Variants in TET2 observed in about 807,000 individuals in gnomAD.
The protein encoded by TET2 is methylcytosine dioxygenase TET2.
A neutral mutation model predicts 142.9 loss-of-function variants in TET2; 299 were observed. The ratio of observed to expected loss-of-function variants is 2.09; its 90% CI spans 1.90 to 2.30. The LOEUF is 2.30. Among genes scored for constraint, TET2 ranks in the 30% most tolerant of loss-of-function variants. The pLI is 0.00. For missense variants in TET2, 2,418 were observed against 2,378.0 expected, an observed-to-expected ratio of 1.02 and a Z score of -0.35; for synonymous variants, 819 against 849.0, an observed-to-expected ratio of 0.96 and a Z score of 0.61.
chr4:105,209,049 GTATATATATATATATA>G (rs36045001), intron 2 of TET2, among the ~76,000 whole-genome samples: 531 of 44,352 alleles, frequency 0.012, 24 homozygotes, highest in East Asian at 0.12. Flanking sequence ...TCAAGGCATG[GTATATATATATATATA>G]TATATATATA....
chr4:105,203,685 CTT>C (rs1214076456), intron 2 of TET2, among the ~76,000 whole-genome samples: 1 of 152,120 alleles, frequency 6.6e-6, no homozygotes, highest in Middle Eastern at 3.2e-3. Context: ...TACCTAAACT[CTT>C]AACATAGCAC....
intron 1 of TET2, among the ~76,000 whole-genome samples, chr4:105,182,518 A>T (rs369756625): frequency 2.6e-5 from 4 of 152,348 alleles, no homozygotes; most frequent in African/African-American, 9.6e-5. Flanking sequence ...TTACCTTATG[A>T]TAAAAGTAGA....
chr4:105,217,100 T>C (rs1727539326), intron 2 of TET2, among the ~76,000 whole-genome samples: 1 of 152,024 alleles, frequency 6.6e-6, no homozygotes, highest in Non-Finnish European at 1.5e-5. Context: ...ATGTCAGCAC[T>C]ATGCAACACT....
chr4:105,230,409 G>A (rs1234648783), intron 2 of TET2, among the ~76,000 whole-genome samples: 1 of 152,142 alleles, frequency 6.6e-6, no homozygotes, highest in African/African-American at 2.4e-5. Context: ...TTGCCAAATT[G>A]TCATCCTACA....
At chr4:105,163,869 G>GTT (rs1724015590) in intron 1 of TET2, among the ~76,000 whole-genome samples, 1 of 151,596 alleles carries the variant, frequency 6.6e-6, no homozygotes, top group Non-Finnish European at 1.5e-5. Flanking sequence ...GTGTGTGTGT[G>GTT]TGTGTGTGTG....
intron 2 of TET2, among the ~76,000 whole-genome samples, chr4:105,225,710 T>A (rs1728151292): frequency 6.6e-6 from 1 of 152,032 alleles, no homozygotes; most frequent in Non-Finnish European, 1.5e-5. Context: ...TTGTGTTAGC[T>A]CCATGCCATG....
Position 105,235,902 on chromosome 4 carries a change from C to CA in TET2, c.1965dup (p.Pro656ThrfsTer25). 6.2e-7 allele frequency: 1 copy of CA among 1,614,054 alleles called. No homozygotes were observed. The highest frequency in any genetic ancestry group is 8.5e-7 in the Non-Finnish European group (1 of 1,180,002). ...TACAGTGGACCAACATCTCCAGTTC[C>CA]AAAAACCCTCACACCAGGTGCACTT... On this transcript the variant is annotated frameshift_variant, in exon 3 of 11. Coordinates refer to ENST00000380013, the MANE Select transcript of TET2 (RefSeq NM_001127208.3). LOFTEE classifies it high-confidence loss of function.
intron 6 of TET2, among the ~76,000 whole-genome samples, chr4:105,248,658 A>G (rs1396818170): frequency 1.3e-5 from 2 of 152,202 alleles, no homozygotes; most frequent in Admixed American, 1.3e-4. Flanking sequence ...TTGAGATATA[A>G]TTCACATACC....
intron 2 of TET2, among the ~76,000 whole-genome samples, chr4:105,229,135 T>C (rs1728346645): frequency 6.6e-6 from 1 of 152,214 alleles, no homozygotes; most frequent in Admixed American, 6.5e-5. Flanking sequence ...AAATCCAAAC[T>C]AAATGTTTTC....
Position 105,242,908 on chromosome 4 carries a change from G to T in TET2, c.3575G>T (p.Gly1192Val), listed in dbSNP as rs1729381352. 6.4e-7 allele frequency: 1 copy of T among 1,551,450 alleles called. No individual in the cohort carries two copies. The highest frequency in any genetic ancestry group is 8.7e-7 in the Non-Finnish European group (1 of 1,146,876). Residue 1192 changes from glycine to valine, a missense_variant, in exon 5 of 11, where the codon GGA becomes GTA. Physicochemically the swap from Gly to Val is moderately radical, Grantham distance 109 (BLOSUM62 -3). Coordinates refer to ENST00000380013, the MANE Select transcript of TET2 (RefSeq NM_001127208.3). ...YTGKEGKSSQ[G>V]CPIAKWVVRR... ...GGTAAAGAAGGCAAAAGTTCTCAGG[G>T]ATGTCCTATTGCTAAGTGGGTAAGT... is the stretch of plus-strand genomic sequence containing the variant.
At position 105,234,953 on chromosome 4, in the gene TET2, A is replaced by G; in HGVS notation, c.1011A>G (p.Glu337=). 1 of 1,614,030 alleles carries G rather than the reference A, an allele frequency of 6.2e-7. No individual in the cohort carries two copies. The highest frequency in any genetic ancestry group is 1.3e-5 in the African/African-American group (1 of 75,036). ...SVFEICPSPA[E]NNIQGTTKLA... The stretch of plus-strand genomic sequence containing the variant: ...TTGAGATATGCCCATCTCCTGCAGA[A>G]AATAACATCCAGGGAACCACAAAGC... The change falls in exon 3 of 11, where the codon GAA becomes GAG. Residue 337 remains glutamate, a synonymous_variant. Transcript: ENST00000380013.
chr4:105,176,739 G>C (rs973619378), intron 1 of TET2, among the ~76,000 whole-genome samples: 1 of 152,086 alleles, frequency 6.6e-6, no homozygotes, highest in Non-Finnish European at 1.5e-5. Context: ...AACACAGCAC[G>C]ATATTTTATG....
In TET2 at chr4:105,236,631, C is replaced by T; in HGVS notation, c.2689C>T (p.Gln897Ter). The T allele has an allele frequency of 3.1e-6, 5 of 1,614,014 alleles. No homozygotes were observed. Among genetic ancestry groups the T allele is most frequent in the South Asian group, 1.1e-5 (1 of 91,082 alleles). ...EQKSQQASVL[Q>*]GYKNRNQDMS... Reference sequence around the variant, plus strand: ...GAAGTCACAACAAGCTTCAGTTCTACAGGGATATAAAAATAGAAACCAAGA... The same window carrying T: ...GAAGTCACAACAAGCTTCAGTTCTATAGGGATATAAAAATAGAAACCAAGA... Residue 897 changes from glutamine to a stop codon, truncating the protein, a stop_gained, in exon 3 of 11, where the codon CAG becomes TAG. Coordinates refer to ENST00000380013, the MANE Select transcript of TET2 (RefSeq NM_001127208.3). LOFTEE classifies it high-confidence loss of function.
At chr4:105,150,686 A>G (rs1188044740) in intron 1 of TET2, among the ~76,000 whole-genome samples, 1 of 152,210 alleles carries the variant, frequency 6.6e-6, no homozygotes, top group Non-Finnish European at 1.5e-5. Flanking sequence ...GAAGAACACA[A>G]CCACAAATGA....
intron 7 of TET2, among the ~76,000 whole-genome samples, chr4:105,261,053 G>T (rs1730398295): frequency 6.6e-6 from 1 of 151,826 alleles, no homozygotes; most frequent in Non-Finnish European, 1.5e-5. Context: ...TCTCTGCCAG[G>T]TGGTTATGTC....
At chr4:105,229,107 T>C (rs775273016) in intron 2 of TET2, among the ~76,000 whole-genome samples, 60 of 152,242 alleles carry the variant, frequency 3.9e-4, no homozygotes, top group Admixed American at 3.9e-4. Context: ...TTTGTGTTTT[T>C]TTAACACTAA....
At chr4:105,209,053 A>G (rs28627467) in intron 2 of TET2, among the ~76,000 whole-genome samples, 58 of 47,808 alleles carry the variant, frequency 1.2e-3, no homozygotes, top group South Asian at 3.3e-3. Context: ...GGCATGGTAT[A>G]TATATATATA....
chr4:105,157,077 C>G (rs1320716349), intron 1 of TET2, among the ~76,000 whole-genome samples: 3 of 152,106 alleles, frequency 2.0e-5, no homozygotes, highest in African/African-American at 7.2e-5. Flanking sequence ...GTTTGTTCTA[C>G]TGTGCACTCT....
intron 1 of TET2, among the ~76,000 whole-genome samples, chr4:105,183,379 G>T (rs1445961320): frequency 6.6e-6 from 1 of 152,018 alleles, no homozygotes; most frequent in East Asian, 1.9e-4. Context: ...AGTAGACTTA[G>T]AATAATTCCA....
Sources: gnomAD v4.1 joint callset for allele counts (sites outside exome capture counted in the v4.1 genomes callset) on GRCh38, gnomAD v4.1.1 for gene constraint, MANE v1.5 for transcripts, NCBI Gene and HGNC (gene_info 2026-07-23, HGNC 2026-07-21) for gene names.